Variants in GRIK5 observed in about 807,000 individuals in gnomAD.
GRIK5 encodes glutamate ionotropic receptor kainate type subunit 5.
Under a neutral mutation model 97.4 loss-of-function variants are expected in GRIK5, and 43 were observed. The observed-to-expected ratio is 0.44, with a 90% CI of 0.35 to 0.57. GRIK5 has a LOEUF of 0.57. Among genes scored for constraint, GRIK5 ranks in the 20% least tolerant of loss-of-function variants. The pLI is 0.01. For synonymous variants in GRIK5, 580 were observed against 583.5 expected (o/e 0.99, Z 0.09); for missense variants, 1,015 against 1,382.0 (o/e 0.73, Z 4.21).
At chr19:42,055,204 C>T (rs1366612105) in intron 8 of GRIK5, among the ~76,000 whole-genome samples, 1 of 152,194 alleles carries the variant, frequency 6.6e-6, no homozygotes, top group East Asian at 1.9e-4. Flanking sequence ...TCTGTGTGTG[C>T]TTGTTAGGGT....
intron 12 of GRIK5, among the ~76,000 whole-genome samples, chr19:42,028,933 C>T (rs1421093451): frequency 6.6e-6 from 1 of 152,182 alleles, no homozygotes; most frequent in Non-Finnish European, 1.5e-5. Context: ...ACACTCTTGG[C>T]CAGAAAAAGC....
intron 15 of GRIK5, among the ~76,000 whole-genome samples, chr19:42,016,625 T>C (rs1002117755): frequency 6.6e-6 from 1 of 152,128 alleles, no homozygotes; most frequent in Non-Finnish European, 1.5e-5. Flanking sequence ...AAGGTGAGTT[T>C]GGAGATGCCT....
Position 42,021,258 on chromosome 19 carries a change from T to TCC in GRIK5, c.1871+41_1871+42dup. ...CAACCCCATCCAGGCCTCAGATGGG[T>TCC]CCCTCCCTCGCCCCGGGCAGAGGCA... On this transcript the variant is annotated intron_variant, in intron 15 of 19. Transcript: ENST00000593562. This position sits in a 1 kb window ranked among gnomAD's most constrained non-coding sequence, Gnocchi z 4.2. 1.9e-6 allele frequency: 3 copies of TCC among 1,550,658 alleles called. No homozygotes were observed. Among genetic ancestry groups the TCC allele is most frequent in the Non-Finnish European group, 2.6e-6 (3 of 1,138,440 alleles).
Position 42,002,548 on chromosome 19 carries a change from T to G in GRIK5, c.2514+784A>C. ...GGCAGCTGGATGCAGAGCTGGGGTC[T>G]GGGGAGTAGATGTAAGGTCAGCCGC... is the stretch of plus-strand genomic sequence containing the variant. On this transcript the variant is annotated intron_variant, in intron 19 of 19. Transcript: ENST00000593562. The surrounding 1 kb of genome is among the most constrained non-coding windows in gnomAD (Gnocchi z 5.2). The G allele has an allele frequency of 1.5e-6, 1 of 684,170 alleles. No individual in the cohort carries two copies. Among genetic ancestry groups the G allele is most frequent in the Non-Finnish European group, 2.7e-6 (1 of 367,604 alleles). The allele number at this position is 684,170 out of a possible 1,614,324, so 42.4% of individuals were successfully genotyped here. A position where few individuals can be genotyped will look rare whatever the true frequency, so the allele number is the denominator to read the frequency against.
intron 15 of GRIK5, among the ~76,000 whole-genome samples, chr19:42,015,455 T>C (rs1175825366): frequency 6.6e-6 from 1 of 152,232 alleles, no homozygotes; most frequent in Non-Finnish European, 1.5e-5. Context: ...GAGAATGTTC[T>C]CTGACCACGA....
At chr19:42,055,186 C>T (rs2076166648) in intron 8 of GRIK5, among the ~76,000 whole-genome samples, 1 of 152,210 alleles carries the variant, frequency 6.6e-6, no homozygotes, top group East Asian at 1.9e-4. Context: ...TGTGACACAA[C>T]CACGGTGTCT....
chr19:42,002,339 A>G lies in GRIK5; in HGVS notation c.2514+993T>C. 1 of 717,644 alleles carries G rather than the reference A, an allele frequency of 1.4e-6. No homozygotes were observed. The highest frequency in any genetic ancestry group is 2.6e-6 in the Non-Finnish European group (1 of 385,102). The allele number at this position is 717,644 out of a possible 1,614,324, so 44.5% of individuals were successfully genotyped here. On this transcript the variant is annotated intron_variant, in intron 19 of 19. Coordinates refer to ENST00000593562, the MANE Select transcript of GRIK5 (RefSeq NM_002088.5). This position sits in a 1 kb window ranked among gnomAD's most constrained non-coding sequence, Gnocchi z 5.2. ...GGTTTAAGACTGGAGAAATGACAGC[A>G]TATTTGTACGTTGGTGGCCTGAATC...
intron 11 of GRIK5, among the ~76,000 whole-genome samples, chr19:42,051,398 C>G (rs1305597342): frequency 6.6e-6 from 1 of 152,132 alleles, no homozygotes; most frequent in Non-Finnish European, 1.5e-5. Flanking sequence ...CCTCTAATCC[C>G]TAGCAGCATC....
At position 42,020,902 on chromosome 19, in the gene GRIK5, T is replaced by C. The variant is rs112111313; in HGVS notation, c.1871+399A>G. 2.2e-4 allele frequency among the ~76,000 whole-genome samples: 34 copies of C among 152,312 alleles called. 1 individual carries two copies. The highest frequency in any genetic ancestry group is 7.5e-4 in the African/African-American group (31 of 41,570). On this transcript the variant is annotated intron_variant, in intron 15 of 19. Coordinates refer to ENST00000593562, the MANE Select transcript of GRIK5 (RefSeq NM_002088.5). ...AGTCATTCTTTTATTTATTTATTTA[T>C]TGAGACAGAGTCTTGCTCTGTTGCC...
chr19:42,057,708 C>G (rs1026464208), intron 6 of GRIK5, among the ~76,000 whole-genome samples: 5 of 152,088 alleles, frequency 3.3e-5, no homozygotes, highest in African/African-American at 1.2e-4. Flanking sequence ...CTCCAAAAGC[C>G]AAGGTTGGGC....
rs918939162 is a variant in GRIK5 at position 41,999,299 on chromosome 19, C to A, written c.2515G>T (p.Val839Leu). 5 of 1,513,508 alleles carry A rather than the reference C, an allele frequency of 3.3e-6. No individual in the cohort carries two copies. The Admixed American group carries it at 1.0e-4, about 31-fold the overall frequency. 93.8% of individuals were successfully genotyped at this position (1,513,508 alleles called of 1,614,324 possible). Residue 839 changes from valine to leucine, a missense_variant and splice_region_variant, in exon 20 of 20, where the codon GTG becomes TTG. Physicochemically the swap from Val to Leu is conservative, Grantham distance 32. Coordinates refer to ENST00000593562, the MANE Select transcript of GRIK5 (RefSeq NM_002088.5). This position sits in a 1 kb window ranked among gnomAD's most constrained non-coding sequence, Gnocchi z 5.0. The part of the protein sequence containing the change: ...STRRSAESEE[V>L]SVCQEMLQEL... ...TGCAGCATCTCCTGGCACACCGACA[C>A]CTGGGGGTGGCGCGGGCGGTCACCG...
Position 42,022,089 on chromosome 19 carries a change from C to A in GRIK5, c.1588-33G>T. 1 of 1,527,784 alleles carries A rather than the reference C, an allele frequency of 6.5e-7. No homozygotes were observed. The highest frequency in any genetic ancestry group is 9.0e-7 in the Non-Finnish European group (1 of 1,108,522). 94.6% of individuals were successfully genotyped at this position (1,527,784 alleles called of 1,614,324 possible). On this transcript the variant is annotated intron_variant, in intron 13 of 19. Coordinates refer to ENST00000593562, the MANE Select transcript of GRIK5 (RefSeq NM_002088.5). This position sits in a 1 kb window ranked among gnomAD's most constrained non-coding sequence, Gnocchi z 4.2. ...GAGAGGGAGTGAGACCCGGAGACAC[C>A]CCTGGCCTGAGCCTCACACCCAGCC...
At chr19:42,061,259 T>C (rs1003616271) in intron 5 of GRIK5, among the ~76,000 whole-genome samples, 1 of 152,190 alleles carries the variant, frequency 6.6e-6, no homozygotes, top group African/African-American at 2.4e-5. Flanking sequence ...ATTCACAGGA[T>C]GGTCTCGATC....
chr19:42,046,781 T>C (rs2076048055), intron 11 of GRIK5, among the ~76,000 whole-genome samples: 1 of 152,066 alleles, frequency 6.6e-6, no homozygotes. Context: ...AAAAAGAAAA[T>C]GAGAGACCCA....
chr19:41,998,833 T>G lies in GRIK5; in HGVS notation c.*38A>C. On this transcript the variant is annotated 3_prime_UTR_variant, in exon 20 of 20. Coordinates refer to ENST00000593562, the MANE Select transcript of GRIK5 (RefSeq NM_002088.5). ...TGGGGCCTGGGGCGGGCCCCGTCCC[T>G]TCGGTCAGTCCGGGCGCCCGCACAG... 9.3e-7 allele frequency: 1 copy of G among 1,070,968 alleles called. No individual in the cohort carries two copies. Among genetic ancestry groups the G allele is most frequent in the Non-Finnish European group, 1.1e-6 (1 of 874,548 alleles). 66.3% of individuals were successfully genotyped at this position (1,070,968 alleles called of 1,614,324 possible).
intron 3 of GRIK5, among the ~76,000 whole-genome samples, chr19:42,064,438 C>G (rs1483340914): frequency 6.6e-6 from 1 of 152,022 alleles, no homozygotes; most frequent in East Asian, 1.9e-4. Flanking sequence ...CATTTCTTGG[C>G]TCCAAATACT....
rs375390724 is a variant in GRIK5, at chr19:42,003,514, G to A, written c.2392+41C>T. The A allele has an allele frequency of 4.6e-5, 73 of 1,604,014 alleles. No homozygotes were observed. Among genetic ancestry groups the A allele is most frequent in the Middle Eastern group, 1.7e-4 (1 of 6,046 alleles). On this transcript the variant is annotated intron_variant, in intron 18 of 19. Transcript: ENST00000593562. This position sits in a 1 kb window ranked among gnomAD's most constrained non-coding sequence, Gnocchi z 4.2. ...TGGGGCTGTGTGGGAAGGGGGCTGG[G>A]AGGGGGCTATGGGAAGGGGACACCA...
intron 12 of GRIK5, among the ~76,000 whole-genome samples, chr19:42,026,309 T>A (rs1285008856): frequency 2.7e-5 from 4 of 150,592 alleles, no homozygotes; most frequent in Non-Finnish European, 4.4e-5. Context: ...TATTATTATT[T>A]TTTAGACCAA....
chr19:42,009,371 T>A (rs1205116636), intron 15 of GRIK5, among the ~76,000 whole-genome samples: 8 of 151,700 alleles, frequency 5.3e-5, no homozygotes, highest in Non-Finnish European at 2.9e-5. Flanking sequence ...GCCTCCTGAA[T>A]AGCTGGGATT....
Sources: allele counts gnomAD v4.1 joint callset (sites outside exome capture counted in the v4.1 genomes callset), GRCh38; gene constraint gnomAD v4.1.1; non-coding constraint Gnocchi (gnomAD v3.1); transcripts MANE v1.5; gene names NCBI Gene and HGNC (gene_info 2026-07-23, HGNC 2026-07-21).